Variants in AGPS observed in about 807,000 individuals in gnomAD.
The protein encoded by AGPS is alkyldihydroxyacetonephosphate synthase, peroxisomal.
A neutral mutation model predicts 90.7 loss-of-function variants in AGPS; 26 were observed. The observed-to-expected ratio is 0.29, with a 90% confidence interval of 0.21 to 0.40. The LOEUF is 0.40. Among genes scored for constraint, AGPS ranks in the 10% least tolerant of loss-of-function variants. AGPS has a pLI of 1.00. For missense variants in AGPS, 540 were observed against 816.1 expected (o/e 0.66, Z 4.12); for synonymous variants, 294 against 285.3 (o/e 1.03, Z -0.31).
intron 11 of AGPS, among the ~76,000 whole-genome samples, chr2:177,488,030 G>GT (rs1688145988): frequency 6.6e-6 from 1 of 152,086 alleles, no homozygotes; most frequent in African/African-American, 2.4e-5. Context: ...ACTCCTAGCT[G>GT]TAAGTCAGTA....
intron 10 of AGPS, among the ~76,000 whole-genome samples, chr2:177,473,106 C>G (rs569910350): frequency 6.6e-6 from 1 of 152,156 alleles, no homozygotes; most frequent in Non-Finnish European, 1.5e-5. Context: ...CTTATAGCAG[C>G]TGGAAGGCTA....
intron 16 of AGPS, among the ~76,000 whole-genome samples, chr2:177,511,639 G>A (rs1449744528): frequency 6.6e-6 from 1 of 152,090 alleles, no homozygotes; most frequent in African/African-American, 2.4e-5. Context: ...GTTTTTTTCA[G>A]GGAGGAAATG....
chr2:177,515,543 A>G (rs894638121), intron 17 of AGPS, among the ~76,000 whole-genome samples: 1 of 151,836 alleles, frequency 6.6e-6, no homozygotes, highest in Admixed American at 6.6e-5. Context: ...TTATGAAACT[A>G]TCGTGATAAA....
rs1233170679 is a variant in AGPS, at chr2:177,415,711, TTAC to T, written c.261-4557_261-4555del. 2.0e-5 allele frequency among the ~76,000 whole-genome samples: 3 copies of T among 152,264 alleles called. No homozygotes were observed. The East Asian group carries it at 5.8e-4, about 29-fold the overall frequency. ...GATCTTATCAGAGTCCTCAAGTTGATTACATTTAGATAGTCTGACTGCCCTCAC... is the reference window on the plus strand; with the variant it reads ...GATCTTATCAGAGTCCTCAAGTTGATATTTAGATAGTCTGACTGCCCTCAC... On this transcript the variant is annotated intron_variant, in intron 1 of 19. Coordinates refer to ENST00000264167, the MANE Select transcript of AGPS (RefSeq NM_003659.4).
intron 13 of AGPS, among the ~76,000 whole-genome samples, chr2:177,498,602 T>A (rs191512863): frequency 3.3e-5 from 5 of 151,326 alleles, no homozygotes. Context: ...TTCTTCACTC[T>A]CTCTCTCTTA....
At chr2:177,470,068 C>G (rs1687567512) in intron 10 of AGPS, among the ~76,000 whole-genome samples, 1 of 152,044 alleles carries the variant, frequency 6.6e-6, no homozygotes, top group African/African-American at 2.4e-5. Flanking sequence ...AAAATAATTC[C>G]AGGTCAAGTT....
rs116207459 is a variant in AGPS at position 177,474,805 on chromosome 2, C to A, written c.1105+6281C>A. ...TATACCCTGATGTATTTAACCAAAC[C>A]CCTGTTGGTTGGCATTTAAGTGGTG... is the stretch of plus-strand genomic sequence containing the variant. On this transcript the variant is annotated intron_variant, in intron 10 of 19. Coordinates refer to ENST00000264167, the MANE Select transcript of AGPS (RefSeq NM_003659.4). 8.0e-3 allele frequency among the ~76,000 whole-genome samples: 1,220 copies of A among 152,212 alleles called. 15 individuals carry two copies. The highest frequency in any genetic ancestry group is 0.027 in the African/African-American group (1,137 of 41,534).
chr2:177,518,369 G>C (rs987433866), intron 17 of AGPS, among the ~76,000 whole-genome samples: 6 of 152,018 alleles, frequency 3.9e-5, no homozygotes, highest in South Asian at 2.1e-4. Flanking sequence ...CCGGGAGATG[G>C]AGGTTGCAGT....
At chr2:177,483,853 G>C (rs1688019099) in intron 11 of AGPS, among the ~76,000 whole-genome samples, 4 of 152,180 alleles carry the variant, frequency 2.6e-5, no homozygotes, top group Admixed American at 2.0e-4. Context: ...TGACATTCCA[G>C]TGTGTTCTGG....
chr2:177,484,688 G>C (rs1688044791), intron 11 of AGPS, among the ~76,000 whole-genome samples: 1 of 151,982 alleles, frequency 6.6e-6, no homozygotes, highest in South Asian at 2.1e-4. Flanking sequence ...GTCATTTCTT[G>C]TTCAAGTCTT....
intron 1 of AGPS, among the ~76,000 whole-genome samples, chr2:177,399,446 A>C (rs1401460433): frequency 6.6e-6 from 1 of 152,188 alleles, no homozygotes; most frequent in Non-Finnish European, 1.5e-5. Flanking sequence ...ATCTGGGCTC[A>C]GAATCAACTG....
chr2:177,424,994 C>T (rs375588963), intron 2 of AGPS, among the ~76,000 whole-genome samples: 3 of 152,000 alleles, frequency 2.0e-5, no homozygotes, highest in Non-Finnish European at 2.9e-5. Context: ...TCAGATGCTC[C>T]GATTGCAAAA....
At position 177,436,799 on chromosome 2, in the gene AGPS, T is replaced by A. The variant is rs1197291611; in HGVS notation, c.477T>A (p.Val159=). 6.2e-7 allele frequency: 1 copy of A among 1,611,296 alleles called. No individual in the cohort carries two copies. The highest frequency in any genetic ancestry group is 2.2e-5 in the East Asian group (1 of 44,738). The change falls in exon 4 of 20, where the codon GTT becomes GTA. Residue 159 remains valine, a synonymous_variant. Coordinates refer to ENST00000264167, the MANE Select transcript of AGPS (RefSeq NM_003659.4). ...SLNPSDTPPS[V]VNEDFLHDLK... is the part of the protein sequence containing the mutation. The stretch of plus-strand genomic sequence containing the variant: ...ATCCTAGTGATACACCTCCTTCTGT[T>A]GTAAATGAAGATTTTCTTCATGACC...
intron 16 of AGPS, among the ~76,000 whole-genome samples, chr2:177,513,050 G>T (rs200624126): frequency 2.7e-5 from 4 of 149,658 alleles, no homozygotes; most frequent in Non-Finnish European, 5.9e-5. Flanking sequence ...TCACTATATT[G>T]CCCAGGCTAG....
At chr2:177,413,001 G>A (rs992041941) in intron 1 of AGPS, among the ~76,000 whole-genome samples, 2 of 152,126 alleles carry the variant, frequency 1.3e-5, no homozygotes, top group African/African-American at 2.4e-5. Flanking sequence ...CAGCATCAGC[G>A]GCGGGTCTGC....
intron 10 of AGPS, among the ~76,000 whole-genome samples, chr2:177,472,001 G>A (rs772745975): frequency 4.6e-5 from 7 of 151,898 alleles, no homozygotes; most frequent in African/African-American, 7.2e-5. Flanking sequence ...GCAACTTAGA[G>A]TTGATAGTCC....
At chr2:177,396,199 A>G (rs1685168564) in intron 1 of AGPS, among the ~76,000 whole-genome samples, 1 of 152,230 alleles carries the variant, frequency 6.6e-6, no homozygotes, top group Non-Finnish European at 1.5e-5. Context: ...GCAAGGGGCC[A>G]TGAAAGTGCA....
intron 5 of AGPS, among the ~76,000 whole-genome samples, chr2:177,439,439 C>T (rs947318809): frequency 6.6e-6 from 1 of 151,952 alleles, no homozygotes; most frequent in South Asian, 2.1e-4. Context: ...GATAATTTTG[C>T]CTTGTTGAAG....
chr2:177,436,783 A>T lies in AGPS; in HGVS notation c.461A>T (p.Asp154Val), dbSNP rs781748049. The change falls in exon 4 of 20, where the codon GAT becomes GTT. Residue 154 changes from aspartate (D) to valine (V), a missense_variant. Asp to Val is a radical substitution (Grantham distance 152). This residue lies in a region of AGPS where 405 missense variants were observed against 692.1 expected (regional missense o/e 0.59). Coordinates refer to ENST00000264167, the MANE Select transcript of AGPS (RefSeq NM_003659.4). The stretch of plus-strand genomic sequence containing the variant: ...TTCTAGGCATCCTTAAATCCTAGTG[A>T]TACACCTCCTTCTGTTGTAAATGAA... ...TTSKASLNPS[D>V]TPPSVVNEDF... The T allele has an allele frequency of 1.5e-5, 24 of 1,611,504 alleles. No homozygotes were observed. Among genetic ancestry groups the T allele is most frequent in the Non-Finnish European group, 1.6e-5 (19 of 1,178,694 alleles).
Sources: allele counts gnomAD v4.1 joint callset (sites outside exome capture counted in the v4.1 genomes callset), GRCh38; gene constraint gnomAD v4.1.1; regional missense constraint gnomAD v4.1.1; transcripts MANE v1.5; gene names NCBI Gene and HGNC (gene_info 2026-07-23, HGNC 2026-07-21).